The following TTC8 variants were observed in gnomAD, a reference collection of about 807,000 sequenced individuals.
The protein encoded by TTC8 is tetratricopeptide repeat domain 8.
TTC8 carries 47 observed loss-of-function variants against 72.5 expected under a neutral mutation model. That is an observed-to-expected ratio of 0.65 (90% CI 0.51 to 0.83). The LOEUF (loss-of-function observed/expected upper bound fraction) is 0.83, where lower values mean the gene tolerates loss of function less well. TTC8 is among the 40% of genes least tolerant of loss of function. The pLI, the probability that TTC8 is intolerant of heterozygous loss-of-function variation, is 0.00. For synonymous variants in TTC8, 199 were observed against 221.4 expected, an observed-to-expected ratio of 0.90 and a Z score of 0.90; for missense variants, 611 against 623.2, an observed-to-expected ratio of 0.98 and a Z score of 0.21.
At chr14:88,841,248 G>A (rs778550866) in intron 5 of TTC8, 52 bp downstream of exon 5, 5 of 1,609,992 alleles carry the variant, frequency 3.1e-6, no homozygotes, top group Non-Finnish European at 4.2e-6. Context: ...TATTACCAAA[G>A]TAGCTTTATA....
At position 88,825,034 on chromosome 14, in the gene TTC8, G is replaced by A. The variant is rs371461681; in HGVS notation, c.114+213G>A. Among the ~76,000 whole-genome samples, 70 of 152,308 alleles carry A rather than the reference G, an allele frequency of 4.6e-4. No homozygotes were observed. The East Asian group carries it at 8.3e-3, about 18-fold the overall frequency. On this transcript the variant is annotated intron_variant, in intron 1 of 14. Coordinates refer to ENST00000380656, the MANE Select transcript of TTC8 (RefSeq NM_144596.4). ...ACGGGGATAGCAAGTTCTGTGCCATGACCGCCCCCTCCTCACAATTTTCAG... is the reference window on the plus strand; with the variant it reads ...ACGGGGATAGCAAGTTCTGTGCCATAACCGCCCCCTCCTCACAATTTTCAG...
In TTC8 at chr14:88,870,048, A is replaced by T. The variant is rs1196312767; in HGVS notation, c.910-11A>T. 2 of 1,613,684 alleles carry T rather than the reference A, an allele frequency of 1.2e-6. No individual in the cohort carries two copies. Among genetic ancestry groups the T allele is most frequent in the East Asian group, 2.2e-5 (1 of 44,832 alleles). The stretch of plus-strand genomic sequence containing the variant: ...AATAAAATATTGCTCTTCTCTCTTG[A>T]TGGAGAATAGGAAATGAACAATATG... On this transcript the variant is annotated splice_polypyrimidine_tract_variant and intron_variant, in intron 10 of 14. Coordinates refer to ENST00000380656, the MANE Select transcript of TTC8 (RefSeq NM_144596.4).
At chr14:88,829,506 TTAA>T (rs1244580126) in intron 1 of TTC8, among the ~76,000 whole-genome samples, 1 of 152,214 alleles carries the variant, frequency 6.6e-6, no homozygotes, top group African/African-American at 2.4e-5. Flanking sequence ...AATTAAACAG[TTAA>T]TAAAACGTAA....
intron 7 of TTC8, among the ~76,000 whole-genome samples, chr14:88,844,052 A>G (rs114369854): frequency 6.6e-6 from 1 of 152,192 alleles, no homozygotes; most frequent in African/African-American, 2.4e-5. Flanking sequence ...TGCTTGGTTC[A>G]TAGAGTATGT....
intron 10 of TTC8, among the ~76,000 whole-genome samples, chr14:88,862,300 A>G (rs1193019371): frequency 1.3e-5 from 2 of 151,514 alleles, no homozygotes; most frequent in African/African-American, 4.9e-5. Context: ...AGAAATGTCT[A>G]TTCAAGTCTT....
At chr14:88,825,135 T>TAA (rs892922042) in intron 1 of TTC8, among the ~76,000 whole-genome samples, 2 of 152,264 alleles carry the variant, frequency 1.3e-5, no homozygotes, top group African/African-American at 4.8e-5. Flanking sequence ...AATTCGTTTA[T>TAA]ACTTGCATAT....
intron 10 of TTC8, among the ~76,000 whole-genome samples, chr14:88,863,399 A>G (rs955531356): frequency 6.6e-5 from 10 of 152,222 alleles, no homozygotes; most frequent in Admixed American, 5.9e-4. Context: ...GTCACACAGG[A>G]CACACTTAAT....
Position 88,875,041 on chromosome 14 carries a change from C to A in TTC8, c.1363C>A (p.Gln455Lys), listed in dbSNP as rs773278542. The A allele has an allele frequency of 1.1e-5, 18 of 1,612,318 alleles. No individual in the cohort carries two copies. Among genetic ancestry groups the A allele is most frequent in the Middle Eastern group, 1.6e-4 (1 of 6,070 alleles). ...TTATACACAGGCAAGGGCACTATTACAAACTGCATCATCATTAGCACCCCA... is the reference window on the plus strand; with the variant it reads ...TTATACACAGGCAAGGGCACTATTAAAAACTGCATCATCATTAGCACCCCA... ...GHVEQARALL[Q>K]TASSLAPHMY... is the part of the protein sequence containing the mutation. Residue 455 changes from glutamine to lysine, a missense_variant, in exon 14 of 15, where the codon CAA becomes AAA. Transcript: ENST00000380656.
intron 1 of TTC8, 30 bp downstream of exon 1, chr14:88,824,851 T>G: frequency 6.4e-7 from 1 of 1,569,572 alleles, no homozygotes; most frequent in Non-Finnish European, 8.7e-7. Context: ...AGCCTGTGCA[T>G]CCTGACGCTG....
chr14:88,869,644 C>T (rs752049323), intron 10 of TTC8, among the ~76,000 whole-genome samples: 3 of 152,132 alleles, frequency 2.0e-5, no homozygotes, highest in Non-Finnish European at 2.9e-5. Context: ...CTCTCAGGCT[C>T]ATACATTTGC....
downstream of TTC8, chr14:88,878,699 C>G (rs2094965576): frequency 6.6e-6 from 1 of 152,056 alleles, no homozygotes; most frequent in African/African-American, 2.4e-5. Context: ...ATATCGTAGT[C>G]AATATTTAGA....
At position 88,824,814 on chromosome 14, in the gene TTC8, A is replaced by T; in HGVS notation, c.107A>T (p.Tyr36Phe). The change falls in exon 1 of 15, where the codon TAT becomes TTT. Residue 36 changes from tyrosine to phenylalanine, a missense_variant. Physicochemically the swap from Tyr to Phe is conservative, Grantham distance 22. Transcript: ENST00000380656. ...LCTQMLEKSP[Y>F]DQEPDPELPV... ...ACGCAGATGCTGGAGAAGTCCCCTTATGACCAGGTACCGGCCAGCTCCCGT... is the reference window on the plus strand; with the variant it reads ...ACGCAGATGCTGGAGAAGTCCCCTTTTGACCAGGTACCGGCCAGCTCCCGT... 2 of 1,612,748 alleles carry T rather than the reference A, an allele frequency of 1.2e-6. No homozygotes were observed. Among genetic ancestry groups the T allele is most frequent in the Non-Finnish European group, 8.5e-7 (1 of 1,179,352 alleles).
chr14:88,844,689 C>T (rs1348466718), intron 7 of TTC8, among the ~76,000 whole-genome samples: 4 of 151,786 alleles, frequency 2.6e-5, no homozygotes, highest in Non-Finnish European at 5.9e-5. Context: ...GGACTATAGG[C>T]GTGTGCCACC....
chr14:88,824,958 G>C, intron 1 of TTC8, 137 bp downstream of exon 1: 1 of 785,968 alleles, frequency 1.3e-6, no homozygotes, highest in Non-Finnish European at 2.2e-6. Context: ...GAGGCGCCCG[G>C]AGCGAGACCT....
chr14:88,877,169 A>T lies in TTC8; in HGVS notation c.1432-125A>T. ...ATGATGTTAGTTGTGGGTTTGTTAAAAAAAAAAGAAAAGAACCCTTTGAAT... is the reference window on the plus strand; with the variant it reads ...ATGATGTTAGTTGTGGGTTTGTTAATAAAAAAAGAAAAGAACCCTTTGAAT... On this transcript the variant is annotated intron_variant, in intron 14 of 14. Transcript: ENST00000380656. 6 of 750,684 alleles carry T rather than the reference A, an allele frequency of 8.0e-6. No individual in the cohort carries two copies. In the South Asian group the frequency reaches 9.8e-5, roughly 12 times the overall value. The allele number at this position is 750,684 out of a possible 1,614,324, so 46.5% of individuals were successfully genotyped here.
chr14:88,826,678 T>G (rs1013280466), intron 1 of TTC8, among the ~76,000 whole-genome samples: 11 of 152,140 alleles, frequency 7.2e-5, no homozygotes, highest in African/African-American at 2.6e-4. Context: ...CACTCCACAC[T>G]CCACAGCCTG....
At chr14:88,851,896 A>G (rs943511915) in intron 7 of TTC8, among the ~76,000 whole-genome samples, 1 of 152,166 alleles carries the variant, frequency 6.6e-6, no homozygotes, top group Non-Finnish European at 1.5e-5. Flanking sequence ...CACAAGGAAA[A>G]ATAATTAATT....
chr14:88,848,240 C>T (rs1223739164), intron 7 of TTC8, among the ~76,000 whole-genome samples: 3 of 146,048 alleles, frequency 2.1e-5, no homozygotes, highest in African/African-American at 5.1e-5. Context: ...TAAATAAGCA[C>T]ATTAGAGGTG....
chr14:88,841,153 G>T lies in TTC8; in HGVS notation c.446G>T (p.Arg149Leu), dbSNP rs768271175. The change falls in exon 5 of 15, where the codon CGC becomes CTC. Residue 149 changes from arginine (R) to leucine (L), a missense_variant. Coordinates refer to ENST00000380656, the MANE Select transcript of TTC8 (RefSeq NM_144596.4). ...IRTPRTAYTA[R>L]PITSSSGRFV... ...ACACCCAGAACCGCCTACACAGCCC[G>T]CCCTATCACCAGCTCCTCCGGAAGA... is the stretch of plus-strand genomic sequence containing the variant. The T allele has an allele frequency of 6.2e-7, 1 of 1,614,018 alleles. No homozygotes were observed. Among genetic ancestry groups the T allele is most frequent in the Non-Finnish European group, 8.5e-7 (1 of 1,179,996 alleles).
Sources: gnomAD v4.1 joint callset for allele counts (sites outside exome capture counted in the v4.1 genomes callset) on GRCh38, gnomAD v4.1.1 for gene constraint, MANE v1.5 for transcripts, NCBI Gene and HGNC (gene_info 2026-07-23, HGNC 2026-07-21) for gene names.